The following FARSB variants were observed in gnomAD, a reference collection of about 807,000 sequenced individuals.
FARSB encodes phenylalanyl-tRNA synthetase subunit beta.
A neutral mutation model predicts 69.6 loss-of-function variants in FARSB; 40 were observed. The ratio of observed to expected loss-of-function variants is 0.57; its 90% CI spans 0.45 to 0.75. The LOEUF (loss-of-function observed/expected upper bound fraction) is 0.75. Ranked by LOEUF, FARSB falls within the 30% of genes least tolerant of loss-of-function variation. The pLI is 0.00. For synonymous variants in FARSB, 235 were observed against 247.2 expected, an observed-to-expected ratio of 0.95 and a Z score of 0.46; for missense variants, 632 against 722.9, an observed-to-expected ratio of 0.87 and a Z score of 1.44.
rs1336506215 is a variant in FARSB, at chr2:222,619,607, G to A, written c.1344+38C>T. On this transcript the variant is annotated intron_variant, in intron 14 of 16. Transcript: ENST00000281828. ...TTTCCTAACTCATGTACTACCTCTAGGTTTTTACATGAATTCTCACCTACT... is the reference window on the plus strand; with the variant it reads ...TTTCCTAACTCATGTACTACCTCTAAGTTTTTACATGAATTCTCACCTACT... 2.9e-6 allele frequency: 3 copies of A among 1,026,302 alleles called. No homozygotes were observed. The African/African-American group carries it at 4.7e-5, about 16-fold the overall frequency. 63.6% of individuals were successfully genotyped at this position (1,026,302 alleles called of 1,614,324 possible).
intron 1 of FARSB, among the ~76,000 whole-genome samples, chr2:222,653,145 T>C (rs1040751687): frequency 3.3e-5 from 5 of 151,652 alleles, no homozygotes; most frequent in Admixed American, 1.3e-4. Context: ...AGAAAAGGAG[T>C]GGCAAGAGGA....
At position 222,571,096 on chromosome 2, in the gene FARSB, T is replaced by C. The variant is rs1053499481; in HGVS notation, c.*775A>G. The C allele has an allele frequency of 9.9e-5, 15 of 152,164 alleles. No homozygotes were observed. Among genetic ancestry groups the C allele is most frequent in the Non-Finnish European group, 1.0e-4 (7 of 68,020 alleles). The allele number at this position is 152,164 out of a possible 1,614,324, so 9.4% of individuals were successfully genotyped here. A position where few individuals can be genotyped will look rare whatever the true frequency, so the allele number is the denominator to read the frequency against. On this transcript the variant is annotated 3_prime_UTR_variant, in exon 17 of 17. Transcript: ENST00000281828. ...CTCAATTAAGTATTTAAAACCATGA[T>C]TTTATAACTGACTGATTACAGTAAC...
intron 5 of FARSB, among the ~76,000 whole-genome samples, chr2:222,635,895 C>T (rs771434104): frequency 2.0e-5 from 3 of 151,822 alleles, no homozygotes; most frequent in Admixed American, 6.6e-5. Flanking sequence ...GCCTGGGCAA[C>T]ATGGTGAGAC....
Position 222,623,623 on chromosome 2 carries a change from T to C in FARSB, c.1251+27A>G, listed in dbSNP as rs375248313. The C allele has an allele frequency of 4.4e-5, 55 of 1,254,416 alleles. 2 individuals are homozygous for C. The highest frequency in any genetic ancestry group is 2.1e-4 in the East Asian group (9 of 43,288). The allele number at this position is 1,254,416 out of a possible 1,614,324, so 77.7% of individuals were successfully genotyped here. Reference sequence around the variant, plus strand: ...CAGAGAGTCTAAGTAAATAATCATCTGGGCAGAAAAAGCATGTAAGACATA... The same window carrying C: ...CAGAGAGTCTAAGTAAATAATCATCCGGGCAGAAAAAGCATGTAAGACATA... On this transcript the variant is annotated intron_variant, in intron 13 of 16. Coordinates refer to ENST00000281828, the MANE Select transcript of FARSB (RefSeq NM_005687.5).
At chr2:222,643,320 G>A (rs1367529969) in intron 2 of FARSB, among the ~76,000 whole-genome samples, 1 of 152,112 alleles carries the variant, frequency 6.6e-6, no homozygotes, top group Admixed American at 6.6e-5. Flanking sequence ...ACTTGTTTTT[G>A]TAAATAAAGA....
chr2:222,569,007 A>C lies in FARSB; in HGVS notation c.*2864T>G, dbSNP rs1375879494. On this transcript the variant is annotated 3_prime_UTR_variant, in exon 17 of 17. Transcript: ENST00000281828. Reference sequence around the variant, plus strand: ...AGAAGGTGTGCATCTTCTGTAATAAAGGCTTTTGGCAGTACTCACAGACTG... The same window carrying C: ...AGAAGGTGTGCATCTTCTGTAATAACGGCTTTTGGCAGTACTCACAGACTG... 1.3e-5 allele frequency: 2 copies of C among 152,194 alleles called. No individual in the cohort carries two copies. Among genetic ancestry groups the C allele is most frequent in the African/African-American group, 4.8e-5 (2 of 41,442 alleles). 9.4% of individuals were successfully genotyped at this position (152,194 alleles called of 1,614,324 possible). A position where few individuals can be genotyped will look rare whatever the true frequency, so the allele number is the denominator to read the frequency against.
chr2:222,574,564 A>G (rs1689789966), intron 16 of FARSB, among the ~76,000 whole-genome samples: 1 of 152,072 alleles, frequency 6.6e-6, no homozygotes, highest in Non-Finnish European at 1.5e-5. Flanking sequence ...ATCCTCCCCT[A>G]CCAACTCACA....
At chr2:222,644,102 A>G (rs1208922653) in intron 2 of FARSB, among the ~76,000 whole-genome samples, 6 of 152,218 alleles carry the variant, frequency 3.9e-5, no homozygotes, top group African/African-American at 1.4e-4. Flanking sequence ...ATATGTAATG[A>G]TTTTTGTTTT....
chr2:222,623,749 A>C lies in FARSB; in HGVS notation c.1171-19T>G. On this transcript the variant is annotated intron_variant, in intron 12 of 16. Transcript: ENST00000281828. ...GAGGAAACTGAAAAAAAAAGCATCC[A>C]CTTGATTTCACCGCAATTATTTCTT... 6.8e-7 allele frequency: 1 copy of C among 1,460,350 alleles called. No homozygotes were observed. Among genetic ancestry groups the C allele is most frequent in the Non-Finnish European group, 9.6e-7 (1 of 1,043,768 alleles). 90.5% of individuals were successfully genotyped at this position (1,460,350 alleles called of 1,614,324 possible). A position where few individuals can be genotyped will look rare whatever the true frequency, so the allele number is the denominator to read the frequency against.
At chr2:222,578,567 C>G (rs747264505) in intron 16 of FARSB, among the ~76,000 whole-genome samples, 4 of 152,208 alleles carry the variant, frequency 2.6e-5, no homozygotes, top group Non-Finnish European at 5.9e-5. Context: ...AGGCCGGGCA[C>G]GGTGGCTCAC....
chr2:222,633,941 C>A (rs1041197141), intron 6 of FARSB, among the ~76,000 whole-genome samples: 13 of 152,078 alleles, frequency 8.5e-5, no homozygotes, highest in Non-Finnish European at 1.5e-5. Flanking sequence ...GCAAGGATGA[C>A]CCTGCTTTTT....
chr2:222,618,942 A>G (rs1449008588), intron 14 of FARSB, among the ~76,000 whole-genome samples: 2 of 152,094 alleles, frequency 1.3e-5, no homozygotes, highest in Non-Finnish European at 2.9e-5. Context: ...GGAGTTCAGA[A>G]CCAGCCTCGC....
At chr2:222,616,230 T>C (rs982178433) in intron 14 of FARSB, among the ~76,000 whole-genome samples, 1 of 151,796 alleles carries the variant, frequency 6.6e-6, no homozygotes, top group Non-Finnish European at 1.5e-5. Flanking sequence ...AACAGAGACA[T>C]GAAAAGCATA....
In FARSB at chr2:222,571,683, C is replaced by T. The variant is rs3768973; in HGVS notation, c.*188G>A. 0.69 allele frequency: 372,153 copies of T among 539,800 alleles called. 130,695 individuals carry two copies. Among genetic ancestry groups the T allele is most frequent in the Middle Eastern group, 0.81 (1,615 of 1,986 alleles). 33.4% of individuals were successfully genotyped at this position (539,800 alleles called of 1,614,324 possible). ...TGCAGCTTCACACACAGACACCACA[C>T]TGGTATATGGCACAAGCTGGCCTAA... On this transcript the variant is annotated 3_prime_UTR_variant, in exon 17 of 17. Transcript: ENST00000281828.
intron 16 of FARSB, among the ~76,000 whole-genome samples, chr2:222,593,412 G>T (rs911392047): frequency 2.0e-5 from 3 of 152,210 alleles, no homozygotes; most frequent in Non-Finnish European, 4.4e-5. Context: ...GTGATTGGAA[G>T]ACTCTATCCA....
intron 16 of FARSB, among the ~76,000 whole-genome samples, chr2:222,588,726 G>A (rs896809861): frequency 1.1e-4 from 16 of 151,992 alleles, no homozygotes; most frequent in East Asian, 1.9e-4. Context: ...ACAGACAAAC[G>A]GAGAGCCAGA....
intron 2 of FARSB, among the ~76,000 whole-genome samples, chr2:222,646,790 G>GT (rs1278165264): frequency 2.6e-5 from 4 of 152,156 alleles, no homozygotes; most frequent in Admixed American, 2.6e-4. Flanking sequence ...TTCTTCTGCC[G>GT]TATGTTTTAC....
At chr2:222,577,727 G>A (rs1174308993) in intron 16 of FARSB, among the ~76,000 whole-genome samples, 1 of 152,064 alleles carries the variant, frequency 6.6e-6, no homozygotes, top group African/African-American at 2.4e-5. Flanking sequence ...ATTTAGAATC[G>A]TAACTCCAAA....
In FARSB at chr2:222,624,696, GAAGTT is replaced by G; in HGVS notation, c.962+13_962+17del. The G allele has an allele frequency of 6.4e-7, 1 of 1,551,232 alleles. No homozygotes were observed. ...CGTGTACTTTGTTCTTGAATTAAGT[GAAGTT>G]TTCAGAGCATACCTGATTCCAACTT... On this transcript the variant is annotated intron_variant, in intron 11 of 16. Coordinates refer to ENST00000281828, the MANE Select transcript of FARSB (RefSeq NM_005687.5).
Sources: allele counts gnomAD v4.1 joint callset (sites outside exome capture counted in the v4.1 genomes callset), GRCh38; gene constraint gnomAD v4.1.1; transcripts MANE v1.5; gene names NCBI Gene and HGNC (gene_info 2026-07-23, HGNC 2026-07-21).